RCOR3: variants seen among roughly 807,000 people sequenced by gnomAD.
The protein encoded by RCOR3 is REST corepressor 3.
Under a neutral mutation model 64.1 loss-of-function variants are expected in RCOR3, and 13 were observed. The ratio of observed to expected loss-of-function variants is 0.20; its 90% CI spans 0.13 to 0.32. The LOEUF (loss-of-function observed/expected upper bound fraction) is 0.32, where lower values mean the gene tolerates loss of function less well. RCOR3 is among the 10% of genes least tolerant of loss of function. The pLI, the probability that RCOR3 is intolerant of heterozygous loss-of-function variation, is 1.00. For synonymous variants in RCOR3, 215 were observed against 239.0 expected, an observed-to-expected ratio of 0.90 and a Z score of 0.93; for missense variants, 489 against 701.2, an observed-to-expected ratio of 0.70 and a Z score of 3.42.
At chr1:211,286,438 G>T (rs1698551025) in intron 7 of RCOR3, among the ~76,000 whole-genome samples, 2 of 151,768 alleles carry the variant, frequency 1.3e-5, no homozygotes, top group African/African-American at 4.8e-5. Flanking sequence ...CTCCTGAGTA[G>T]CTGGGACTAC....
At chr1:211,290,971 G>T (rs1699178257) in intron 8 of RCOR3, among the ~76,000 whole-genome samples, 1 of 143,894 alleles carries the variant, frequency 6.9e-6, no homozygotes, top group African/African-American at 2.7e-5. Flanking sequence ...TTGTTTGTTT[G>T]GTTTTTTTTT....
chr1:211,288,366 CATT>C (rs1339987418), intron 7 of RCOR3, among the ~76,000 whole-genome samples: 2 of 149,510 alleles, frequency 1.3e-5, no homozygotes, highest in Non-Finnish European at 3.0e-5. Context: ...TCACAGTCAT[CATT>C]GTTATACTTT....
intron 10 of RCOR3, among the ~76,000 whole-genome samples, chr1:211,307,466 G>A (rs1700958352): frequency 7.2e-6 from 1 of 139,720 alleles, no homozygotes; most frequent in Admixed American, 7.4e-5. Context: ...GGGCAGCAGA[G>A]CGAGACTCTG....
intron 3 of RCOR3, chr1:211,271,872 C>T (rs1696247735): frequency 5.9e-6 from 1 of 170,628 alleles, no homozygotes; most frequent in South Asian, 1.4e-4. Context: ...AGGAAACGTG[C>T]AGGTAACAAC....
rs1161884887 is a variant in RCOR3 at position 211,312,280 on chromosome 1, C to T, written c.1076-440C>T. The T allele has an allele frequency of 2.8e-5, 12 of 435,220 alleles. No individual in the cohort carries two copies. Among genetic ancestry groups the T allele is most frequent in the Non-Finnish European group, 4.7e-5 (10 of 211,252 alleles). The allele number at this position is 435,220 out of a possible 1,614,324, so 27.0% of individuals were successfully genotyped here. ...TGGGGGAACCCTAAGGCTACTCACT[C>T]AGTCCATTGAGGGGATAAGAGAGAT... is the stretch of plus-strand genomic sequence containing the variant. On this transcript the variant is annotated intron_variant, in intron 10 of 11. Transcript: ENST00000419091. This position sits in a 1 kb window ranked among gnomAD's most constrained non-coding sequence, Gnocchi z 5.0.
intron 3 of RCOR3, chr1:211,272,022 G>A (rs1176796450): frequency 6.4e-6 from 1 of 155,196 alleles, no homozygotes; most frequent in Admixed American, 6.3e-5. Flanking sequence ...TCTTAAAGGT[G>A]TCTGATTTAT....
intron 10 of RCOR3, among the ~76,000 whole-genome samples, chr1:211,308,687 T>TTTTTTTTTTTTTTTG (rs1701159946): frequency 4.6e-5 from 3 of 64,828 alleles, no homozygotes; most frequent in African/African-American, 1.0e-4. Context: ...TTTTTTTGTT[T>TTTTTTTTTTTTTTTG]TTTTTTTTTT....
intron 10 of RCOR3, among the ~76,000 whole-genome samples, chr1:211,308,996 G>A (rs1701218218): frequency 6.7e-6 from 1 of 148,434 alleles, no homozygotes; most frequent in Admixed American, 6.8e-5. Context: ...ACAGGCATGA[G>A]CCACCATGCC....
intron 5 of RCOR3, 30 bp downstream of exon 5, chr1:211,276,448 A>T: frequency 6.3e-7 from 1 of 1,578,160 alleles, no homozygotes; most frequent in Non-Finnish European, 8.6e-7. Flanking sequence ...ACTGTGGTTC[A>T]TATGTGAATG....
At chr1:211,272,793 TTGTA>T (rs1303516612) in intron 3 of RCOR3, among the ~76,000 whole-genome samples, 1 of 150,828 alleles carries the variant, frequency 6.6e-6, no homozygotes, top group Non-Finnish European at 1.5e-5. Flanking sequence ...GGCTAATTTT[TTGTA>T]TTTTTAGTAG....
chr1:211,295,741 C>T lies in RCOR3; in HGVS notation c.1005C>T (p.Phe335=), dbSNP rs757858770. 1 of 1,612,928 alleles carries T rather than the reference C, an allele frequency of 6.2e-7. No individual in the cohort carries two copies. The highest frequency in any genetic ancestry group is 1.7e-5 in the Admixed American group (1 of 59,962). ...AAATGGAAGGTGGAATTGAAGAATT[C>T]AAACCTCCTGAGGTATGTTATTGAA... The part of the protein sequence containing the change: ...KQKMEGGIEE[F]KPPESNQKIN... Residue 335 remains phenylalanine, a synonymous_variant, in exon 9 of 12, where the codon TTC becomes TTT. Coordinates refer to ENST00000419091, the MANE Select transcript of RCOR3 (RefSeq NM_001136223.3).
rs948142793 is a variant in RCOR3, at chr1:211,315,694, T to G, written c.*1926T>G. 5 of 152,216 alleles carry G rather than the reference T, an allele frequency of 3.3e-5. No individual in the cohort carries two copies. Among genetic ancestry groups the G allele is most frequent in the Non-Finnish European group, 5.9e-5 (4 of 68,034 alleles). The allele number at this position is 152,216 out of a possible 1,614,324, so 9.4% of individuals were successfully genotyped here. Reference sequence around the variant, plus strand: ...GTACACAGTATGTGGGATATGTCAGTCAAGTTGGTCAGCACCAGCATCTGT... The same window carrying G: ...GTACACAGTATGTGGGATATGTCAGGCAAGTTGGTCAGCACCAGCATCTGT... On this transcript the variant is annotated 3_prime_UTR_variant, in exon 12 of 12. Transcript: ENST00000419091.
intron 5 of RCOR3, 99 bp from the exon 6 acceptor site, chr1:211,278,018 T>C (rs1381292280): frequency 5.5e-6 from 6 of 1,091,610 alleles, no homozygotes; most frequent in Non-Finnish European, 7.8e-6. Flanking sequence ...CCATGAAATA[T>C]TTTTTTATTA....
rs1023367626 is a variant in RCOR3 at position 211,260,021 on chromosome 1, C to T, written c.167-87C>T. 1.0e-5 allele frequency: 15 copies of T among 1,432,146 alleles called. No individual in the cohort carries two copies. Among genetic ancestry groups the T allele is most frequent in the Non-Finnish European group, 1.4e-5 (15 of 1,100,362 alleles). 88.7% of individuals were successfully genotyped at this position (1,432,146 alleles called of 1,614,324 possible). On this transcript the variant is annotated intron_variant, in intron 1 of 11. Coordinates refer to ENST00000419091, the MANE Select transcript of RCOR3 (RefSeq NM_001136223.3). ...CCCGCCGCTTCTTTCCTCCATCTAG[C>T]GATTTTTATTTTTTAAGTGTCTCTT...
At chr1:211,271,377 G>T (rs778585116) in intron 3 of RCOR3, 68 bp downstream of exon 3, 267 of 1,270,968 alleles carry the variant, frequency 2.1e-4, no homozygotes, top group Middle Eastern at 5.8e-4. Context: ...TATGACTTAC[G>T]TTTGTTTTTG....
intron 2 of RCOR3, among the ~76,000 whole-genome samples, chr1:211,266,895 A>G (rs1353244459): frequency 6.6e-6 from 1 of 152,174 alleles, no homozygotes; most frequent in Non-Finnish European, 1.5e-5. Flanking sequence ...TGTGAGAAAA[A>G]CATAATGGGT....
At chr1:211,295,924 A>G (rs993025138) in intron 9 of RCOR3, among the ~76,000 whole-genome samples, 171 bp downstream of exon 9, 6 of 152,162 alleles carry the variant, frequency 3.9e-5, no homozygotes, top group Admixed American at 3.9e-4. Flanking sequence ...AGGCTTGGTT[A>G]ATCATTTTGT....
At position 211,279,796 on chromosome 1, in the gene RCOR3, G is replaced by A. The variant is rs78093174; in HGVS notation, c.720+480G>A. Among the ~76,000 whole-genome samples the A allele has an allele frequency of 0.012, 1,769 of 151,982 alleles. 81 individuals are homozygous for A. The East Asian group carries it at 0.14, about 12-fold the overall frequency. On this transcript the variant is annotated intron_variant, in intron 7 of 11. Coordinates refer to ENST00000419091, the MANE Select transcript of RCOR3 (RefSeq NM_001136223.3). The stretch of plus-strand genomic sequence containing the variant: ...ACGTGGTCCCAATGATCAACTATTC[G>A]AATCTCCTTCTTTCCCATTTCCCCA...
In RCOR3 at chr1:211,312,470, C is replaced by A; in HGVS notation, c.1076-250C>A. On this transcript the variant is annotated intron_variant, in intron 10 of 11. Coordinates refer to ENST00000419091, the MANE Select transcript of RCOR3 (RefSeq NM_001136223.3). This position sits in a 1 kb window ranked among gnomAD's most constrained non-coding sequence, Gnocchi z 5.0. ...TTCAAGAGAGGATTGGAGAAAATAA[C>A]TGAGTATGTAAAAAATGGTAAGTTT... 1 of 604,344 alleles carries A rather than the reference C, an allele frequency of 1.7e-6. No individual in the cohort carries two copies. Among genetic ancestry groups the A allele is most frequent in the Non-Finnish European group, 3.1e-6 (1 of 320,364 alleles). The allele number at this position is 604,344 out of a possible 1,614,324, so 37.4% of individuals were successfully genotyped here. A position where few individuals can be genotyped will look rare whatever the true frequency, so the allele number is the denominator to read the frequency against.
Sources: gnomAD v4.1 joint callset for allele counts (sites outside exome capture counted in the v4.1 genomes callset) on GRCh38, gnomAD v4.1.1 for gene constraint, Gnocchi (gnomAD v3.1) non-coding constraint, MANE v1.5 for transcripts, NCBI Gene and HGNC (gene_info 2026-07-23, HGNC 2026-07-21) for gene names.